Variants in EPSTI1 observed in about 807,000 individuals in gnomAD.
The protein encoded by EPSTI1 is epithelial-stromal interaction protein 1.
EPSTI1 carries 66 observed loss-of-function variants against 49.9 expected under a neutral mutation model. The observed-to-expected ratio is 1.32, with a 90% CI of 1.08 to 1.62. The LOEUF (loss-of-function observed/expected upper bound fraction) is 1.62, where lower values mean the gene tolerates loss of function less well. Among genes scored for constraint, EPSTI1 ranks in the 40% most tolerant of loss-of-function variants. The pLI, the probability that EPSTI1 is intolerant of heterozygous loss-of-function variation, is 0.00. For synonymous variants in EPSTI1, 137 were observed against 130.7 expected (o/e 1.05, Z -0.33); for missense variants, 394 against 365.5 (o/e 1.08, Z -0.64).
chr13:42,888,636 C>T (rs2036935943), intron 10 of EPSTI1, 134 bp from the exon 11 acceptor site: 6 of 859,760 alleles, frequency 7.0e-6, no homozygotes, highest in Non-Finnish European at 5.3e-6. Context: ...AAATTAACAA[C>T]TTAAATGACC....
chr13:42,923,288 C>T (rs182729010), intron 7 of EPSTI1, among the ~76,000 whole-genome samples: 122 of 152,234 alleles, frequency 8.0e-4, no homozygotes, highest in Non-Finnish European at 1.5e-3. Context: ...AGGCCGGGTG[C>T]GGTGGCTCAC....
At chr13:42,928,557 C>T (rs2038259256) in intron 6 of EPSTI1, among the ~76,000 whole-genome samples, 1 of 152,188 alleles carries the variant, frequency 6.6e-6, no homozygotes. Context: ...AGATTTCTTC[C>T]TCTATTCTCC....
intron 6 of EPSTI1, among the ~76,000 whole-genome samples, chr13:42,952,950 T>A (rs2039144926): frequency 6.6e-6 from 1 of 152,150 alleles, no homozygotes; most frequent in Non-Finnish European, 1.5e-5. Flanking sequence ...GTCACAAATA[T>A]GCTCACCCCA....
rs555564891 is a variant in EPSTI1 at position 42,992,151 on chromosome 13, A to G, written c.15T>C (p.Asn5=). 4.4e-6 allele frequency: 7 copies of G among 1,584,698 alleles called. No individual in the cohort carries two copies. Among genetic ancestry groups the G allele is most frequent in the Middle Eastern group, 1.7e-4 (1 of 5,910 alleles). The part of the protein sequence containing the change: MNTR[N]RVVNSGLGAS... Reference sequence around the variant, plus strand: ...CGCCGAGCCCGGAGTTCACCACTCTATTGCGGGTGTTCATGGTTCACAGCC... The same window carrying G: ...CGCCGAGCCCGGAGTTCACCACTCTGTTGCGGGTGTTCATGGTTCACAGCC... The change falls in exon 1 of 11, where the codon AAT becomes AAC. Residue 5 remains asparagine (N), a synonymous_variant. Transcript: ENST00000313624.
chr13:42,895,195 A>AC (rs1177024192), intron 9 of EPSTI1, 87 bp from the exon 10 acceptor site: 2 of 997,236 alleles, frequency 2.0e-6, no homozygotes, highest in African/African-American at 3.3e-5. Context: ...GTATGAACTG[A>AC]CCATGGGGAT....
Position 42,899,917 on chromosome 13 carries a change from G to A in EPSTI1, c.815+393C>T, listed in dbSNP as rs990206773. 7.9e-5 allele frequency among the ~76,000 whole-genome samples: 12 copies of A among 152,132 alleles called. 1 individual carries two copies. The highest frequency in any genetic ancestry group is 2.9e-4 in the African/African-American group (12 of 41,426). Reference sequence around the variant, plus strand: ...TTTTTGTCTGAGCTTTTGCACTCAAGTATGGGTATCTGACCATCTATATTG... The same window carrying A: ...TTTTTGTCTGAGCTTTTGCACTCAAATATGGGTATCTGACCATCTATATTG... On this transcript the variant is annotated intron_variant, in intron 9 of 10. Coordinates refer to ENST00000313624, the MANE Select transcript of EPSTI1 (RefSeq NM_033255.5).
intron 5 of EPSTI1, among the ~76,000 whole-genome samples, 161 bp from the exon 6 acceptor site, chr13:42,954,182 A>G (rs558912795): frequency 6.6e-6 from 1 of 152,332 alleles, no homozygotes; most frequent in South Asian, 2.1e-4. Flanking sequence ...TGTCAGACCC[A>G]TGGGCACTGC....
chr13:42,941,660 A>C (rs1166998675), intron 6 of EPSTI1, among the ~76,000 whole-genome samples: 1 of 150,560 alleles, frequency 6.6e-6, no homozygotes, highest in East Asian at 1.9e-4. Context: ...TAAACAGACT[A>C]TAATTTCATA....
At chr13:42,923,331 T>C (rs898645573) in intron 7 of EPSTI1, among the ~76,000 whole-genome samples, 5 of 152,032 alleles carry the variant, frequency 3.3e-5, no homozygotes, top group African/African-American at 1.2e-4. Flanking sequence ...GAGGCCAAGG[T>C]GGGTGGATCA....
chr13:42,970,749 T>C (rs1713439962), intron 1 of EPSTI1, 79 bp from the exon 2 acceptor site: 3 of 1,070,674 alleles, frequency 2.8e-6, no homozygotes, highest in Non-Finnish European at 4.1e-6. Context: ...TTTTTCCTTC[T>C]ATTATACTGT....
intron 1 of EPSTI1, among the ~76,000 whole-genome samples, chr13:42,972,519 T>C (rs2039791922): frequency 1.3e-5 from 2 of 152,212 alleles, no homozygotes; most frequent in Admixed American, 1.3e-4. Context: ...ACCAGGTCAA[T>C]TGAGCAACAC....
intron 1 of EPSTI1, among the ~76,000 whole-genome samples, chr13:42,982,981 T>C (rs1359382130): frequency 6.6e-6 from 1 of 152,204 alleles, no homozygotes; most frequent in Non-Finnish European, 1.5e-5. Flanking sequence ...CAATCATACT[T>C]CTATATACTA....
At chr13:42,915,607 A>G (rs2037808852) in intron 8 of EPSTI1, among the ~76,000 whole-genome samples, 1 of 152,228 alleles carries the variant, frequency 6.6e-6, no homozygotes, top group African/African-American at 2.4e-5. Flanking sequence ...AGCAAAAGTA[A>G]GGTAGAATAG....
intron 4 of EPSTI1, 91 bp from the exon 5 acceptor site, chr13:42,963,429 C>T (rs954474807): frequency 2.0e-6 from 2 of 1,005,486 alleles, no homozygotes; most frequent in African/African-American, 1.6e-5. Context: ...AGGCAAATTA[C>T]AGTATTGTTT....
chr13:42,980,019 T>C (rs2039959667), intron 1 of EPSTI1, among the ~76,000 whole-genome samples: 1 of 152,178 alleles, frequency 6.6e-6, no homozygotes, highest in Admixed American at 6.5e-5. Context: ...TTTTTTTTTC[T>C]TTCTTTCATG....
At chr13:42,938,095 TTCCC>T (rs2038624968) in intron 6 of EPSTI1, among the ~76,000 whole-genome samples, 1 of 152,122 alleles carries the variant, frequency 6.6e-6, no homozygotes, top group Non-Finnish European at 1.5e-5. Context: ...GATATTTTTC[TTCCC>T]AAACCTTGGT....
chr13:42,930,838 T>C (rs927122648), intron 6 of EPSTI1, among the ~76,000 whole-genome samples: 3 of 152,238 alleles, frequency 2.0e-5, no homozygotes, highest in African/African-American at 7.2e-5. Context: ...TTCTATTAAT[T>C]GATAAATATC....
At chr13:42,906,774 A>C (rs2037511950) in intron 8 of EPSTI1, among the ~76,000 whole-genome samples, 1 of 152,222 alleles carries the variant, frequency 6.6e-6, no homozygotes, top group Admixed American at 6.5e-5. Flanking sequence ...AAGGAAATAA[A>C]TACTAATGGG....
chr13:42,911,611 ATTG>A (rs906133299), intron 8 of EPSTI1, among the ~76,000 whole-genome samples: 1 of 152,178 alleles, frequency 6.6e-6, no homozygotes, highest in Admixed American at 6.5e-5. Flanking sequence ...TTAGCATAGC[ATTG>A]TTTATAGTAA....
Sources: gnomAD v4.1 joint callset for allele counts (sites outside exome capture counted in the v4.1 genomes callset) on GRCh38, gnomAD v4.1.1 for gene constraint, MANE v1.5 for transcripts, NCBI Gene and HGNC (gene_info 2026-07-23, HGNC 2026-07-21) for gene names.